ZBTB20: variants seen among roughly 807,000 people sequenced by gnomAD.
ZBTB20 encodes zinc finger and BTB domain-containing protein 20.
ZBTB20 carries 9 observed loss-of-function variants against 56.9 expected under a neutral mutation model. The ratio of observed to expected loss-of-function variants is 0.16; its 90% CI spans 0.10 to 0.28. The LOEUF (loss-of-function observed/expected upper bound fraction) is 0.28. ZBTB20 is among the 10% of genes least tolerant of loss of function. The pLI is 1.00. For synonymous variants in ZBTB20, 417 were observed against 420.7 expected (o/e 0.99, Z 0.11); for missense variants, 655 against 1,003.0 (o/e 0.65, Z 4.69).
rs566797024 is a variant in ZBTB20 at position 114,750,906 on chromosome 3, C to T, written c.-343+50195G>A. On this transcript the variant is annotated intron_variant, in intron 5 of 11. Transcript: ENST00000675478. ...TTCCTGCTATTCATTTGCATTGAGG[C>T]CAAATTATTTGACCATTTCAGTAAG... Among the ~76,000 whole-genome samples the T allele has an allele frequency of 2.0e-4, 30 of 152,136 alleles. No individual in the cohort carries two copies. In the South Asian group the frequency reaches 5.8e-3, roughly 30 times the overall value.
intron 4 of ZBTB20, among the ~76,000 whole-genome samples, chr3:114,827,238 T>G (rs2073578974): frequency 6.6e-6 from 1 of 151,738 alleles, no homozygotes; most frequent in Non-Finnish European, 1.5e-5. Flanking sequence ...ATACTAAGAC[T>G]TTTTACTCCT....
At chr3:114,737,165 G>C (rs112936742) in intron 5 of ZBTB20, among the ~76,000 whole-genome samples, 2 of 152,250 alleles carry the variant, frequency 1.3e-5, no homozygotes, top group South Asian at 2.1e-4. Context: ...TAGGGCCCAA[G>C]TAGTCTATGA....
At chr3:114,444,132 T>C (rs553769823) in intron 7 of ZBTB20, among the ~76,000 whole-genome samples, 1 of 152,266 alleles carries the variant, frequency 6.6e-6, no homozygotes, top group African/African-American at 2.4e-5. Context: ...ATCATCAATG[T>C]CTCATTAGAA....
At chr3:114,635,314 AC>A (rs1441754633) in intron 6 of ZBTB20, among the ~76,000 whole-genome samples, 6 of 152,088 alleles carry the variant, frequency 3.9e-5, no homozygotes, top group African/African-American at 1.4e-4. Flanking sequence ...CATATTAAGC[AC>A]CATGAACTGG....
chr3:114,979,808 T>C (rs1339161026), intron 2 of ZBTB20, among the ~76,000 whole-genome samples: 3 of 152,018 alleles, frequency 2.0e-5, no homozygotes, highest in Non-Finnish European at 4.4e-5. Context: ...GGTGGAGGTA[T>C]TCATTTTGGA....
chr3:115,104,966 TA>T (rs1273730383), intron 1 of ZBTB20, among the ~76,000 whole-genome samples: 1 of 151,902 alleles, frequency 6.6e-6, no homozygotes, highest in East Asian at 1.9e-4. Flanking sequence ...AGGCAGGGGG[TA>T]TATGAGAAAT....
intron 5 of ZBTB20, among the ~76,000 whole-genome samples, chr3:114,772,442 G>T (rs901674861): frequency 2.0e-5 from 3 of 152,082 alleles, no homozygotes; most frequent in African/African-American, 7.2e-5. Flanking sequence ...TATGGTTCTA[G>T]TATGCTTTGT....
At chr3:114,722,527 C>T (rs2064987998) in intron 5 of ZBTB20, among the ~76,000 whole-genome samples, 1 of 152,082 alleles carries the variant, frequency 6.6e-6, no homozygotes, top group Admixed American at 6.6e-5. Flanking sequence ...ATTTTAATTG[C>T]AGGGAGATAG....
intron 4 of ZBTB20, among the ~76,000 whole-genome samples, chr3:114,804,250 G>C (rs2071934139): frequency 6.6e-6 from 1 of 151,988 alleles, no homozygotes; most frequent in African/African-American, 2.4e-5. Flanking sequence ...AACAAAACCT[G>C]AAGGGGGGTG....
chr3:114,790,103 A>G (rs2070831873), intron 5 of ZBTB20, among the ~76,000 whole-genome samples: 1 of 152,192 alleles, frequency 6.6e-6, no homozygotes, highest in African/African-American at 2.4e-5. Context: ...GTCTGCTTAC[A>G]GTATGCATTT....
At chr3:114,646,857 C>T (rs576653784) in intron 6 of ZBTB20, among the ~76,000 whole-genome samples, 1 of 152,224 alleles carries the variant, frequency 6.6e-6, no homozygotes, top group African/African-American at 2.4e-5. Context: ...TAAGAGTTAC[C>T]TTTTGAAGGA....
intron 6 of ZBTB20, among the ~76,000 whole-genome samples, chr3:114,579,393 C>T (rs188268338): frequency 1.3e-4 from 19 of 151,348 alleles, no homozygotes; most frequent in Middle Eastern, 3.4e-3. Context: ...AACAAAACTA[C>T]GTATCAAAAC....
chr3:114,615,337 T>C (rs2057858402), intron 6 of ZBTB20, among the ~76,000 whole-genome samples: 1 of 152,142 alleles, frequency 6.6e-6, no homozygotes, highest in African/African-American at 2.4e-5. Flanking sequence ...CTGTTAGATA[T>C]CTAGGGAATC....
intron 5 of ZBTB20, among the ~76,000 whole-genome samples, chr3:114,734,190 TAC>T (rs1398674508): frequency 1.3e-5 from 2 of 151,522 alleles, no homozygotes; most frequent in African/African-American, 2.4e-5. Flanking sequence ...AAAAAATAAA[TAC>T]ATATATAATA....
chr3:114,510,757 T>C (rs764896717), intron 6 of ZBTB20, among the ~76,000 whole-genome samples: 1 of 152,082 alleles, frequency 6.6e-6, no homozygotes, highest in Non-Finnish European at 1.5e-5. Context: ...CCATTTGAAG[T>C]AGCAAATAAT....
chr3:114,783,728 G>T (rs1344547007), intron 5 of ZBTB20, among the ~76,000 whole-genome samples: 1 of 151,134 alleles, frequency 6.6e-6, no homozygotes, highest in African/African-American at 2.4e-5. Flanking sequence ...GGGAAGCAGA[G>T]GTTGCAGTGA....
intron 4 of ZBTB20, among the ~76,000 whole-genome samples, chr3:114,813,704 T>C (rs2072723309): frequency 1.3e-5 from 2 of 152,204 alleles, no homozygotes; most frequent in African/African-American, 4.8e-5. Flanking sequence ...TGAGTCAAGA[T>C]GGCACCACTG....
chr3:114,683,423 C>G (rs891225256), intron 6 of ZBTB20, among the ~76,000 whole-genome samples: 1 of 151,926 alleles, frequency 6.6e-6, no homozygotes, highest in Admixed American at 6.6e-5. Context: ...GAAGAAGTTG[C>G]TGCAAATTGA....
In ZBTB20 at chr3:115,007,690, T is replaced by C. The variant is rs1361890234; in HGVS notation, c.-506-33274A>G. Among the ~76,000 whole-genome samples the C allele has an allele frequency of 2.0e-5, 3 of 151,882 alleles. No individual in the cohort carries two copies. The East Asian group carries it at 5.8e-4, about 30-fold the overall frequency. On this transcript the variant is annotated intron_variant, in intron 2 of 11. Coordinates refer to ENST00000675478, the MANE Select transcript of ZBTB20 (RefSeq NM_001348800.3). ...TTCTTCTCTATTATTTCTAGTCAAA[T>C]CTTTGAAGAGAGTTTTTACTTCTTT...
Sources: allele counts gnomAD v4.1 joint callset (sites outside exome capture counted in the v4.1 genomes callset), GRCh38; gene constraint gnomAD v4.1.1; transcripts MANE v1.5; gene names NCBI Gene and HGNC (gene_info 2026-07-23, HGNC 2026-07-21).